The following ANKRD6 variants were observed in gnomAD, a reference collection of about 807,000 sequenced individuals.
ANKRD6 encodes the protein ankyrin repeat domain 6, also known as ankyrin repeat domain-containing protein 6.
In ANKRD6, 56 loss-of-function variants were observed where a neutral mutation model predicts 82.3. The ratio of observed to expected loss-of-function variants is 0.68; its 90% CI spans 0.55 to 0.85. The LOEUF (loss-of-function observed/expected upper bound fraction) is 0.85. Ranked by LOEUF, ANKRD6 falls within the 40% of genes least tolerant of loss-of-function variation. The pLI is 0.00. For synonymous variants in ANKRD6, 347 were observed against 352.1 expected (o/e 0.99, Z 0.16); for missense variants, 852 against 907.6 (o/e 0.94, Z 0.79).
At position 89,566,819 on chromosome 6, in the gene ANKRD6, T is replaced by C. The variant is rs1375896085; in HGVS notation, c.-143-15T>C. ...TCAAGTGGCCCTGATGGCACCTTTG[T>C]TTTGTAACCCCTAGGTCCCGAAGAT... is the stretch of plus-strand genomic sequence containing the variant. On this transcript the variant is annotated splice_polypyrimidine_tract_variant and intron_variant, in intron 1 of 15. Transcript: ENST00000339746. 2 of 1,035,822 alleles carry C rather than the reference T, an allele frequency of 1.9e-6. No homozygotes were observed. Among genetic ancestry groups the C allele is most frequent in the East Asian group, 5.5e-5 (2 of 36,328 alleles). 64.2% of individuals were successfully genotyped at this position (1,035,822 alleles called of 1,614,324 possible). A position where few individuals can be genotyped will look rare whatever the true frequency, so the allele number is the denominator to read the frequency against.
chr6:89,592,409 T>G (rs1308605913), intron 2 of ANKRD6, among the ~76,000 whole-genome samples: 1 of 152,088 alleles, frequency 6.6e-6, no homozygotes, highest in Non-Finnish European at 1.5e-5. Context: ...ATTTTACAGA[T>G]GAGAAAATGC....
rs1807314556 is a variant in ANKRD6, at chr6:89,631,093, A to G, written c.*89A>G. On this transcript the variant is annotated 3_prime_UTR_variant, in exon 16 of 16. Transcript: ENST00000339746. ...CTATGCCCAAGGAGTCAACTATTGT[A>G]TATATTGCAGATTTGCCTTTTTAAA... 1 of 1,423,458 alleles carries G rather than the reference A, an allele frequency of 7.0e-7. No homozygotes were observed. The highest frequency in any genetic ancestry group is 9.1e-7 in the Non-Finnish European group (1 of 1,093,690). The allele number at this position is 1,423,458 out of a possible 1,614,324, so 88.2% of individuals were successfully genotyped here.
At chr6:89,568,399 G>GT (rs1484500325) in intron 2 of ANKRD6, 1 of 152,176 alleles carries the variant, frequency 6.6e-6, no homozygotes, top group Admixed American at 6.5e-5. Flanking sequence ...TAGTCTGCAA[G>GT]TTTTTTCTAT....
intron 1 of ANKRD6, among the ~76,000 whole-genome samples, chr6:89,505,161 C>T (rs1779700838): frequency 1.3e-5 from 2 of 152,194 alleles, no homozygotes; most frequent in South Asian, 4.1e-4. Flanking sequence ...ATTTCCTTAC[C>T]CGGCATCTGT....
intron 1 of ANKRD6, among the ~76,000 whole-genome samples, chr6:89,552,059 G>A (rs532088512): frequency 1.8e-4 from 27 of 152,366 alleles, no homozygotes; most frequent in East Asian, 5.8e-4. Context: ...GTTAAGGAAT[G>A]TAGTGGACCA....
chr6:89,468,636 A>G (rs560304333), intron 1 of ANKRD6, among the ~76,000 whole-genome samples: 127 of 141,204 alleles, frequency 9.0e-4, no homozygotes, highest in African/African-American at 3.0e-3. Context: ...TCCGTGCATA[A>G]TTTTCATGGT....
chr6:89,455,468 C>T (rs1047014583), intron 1 of ANKRD6, among the ~76,000 whole-genome samples: 1 of 152,088 alleles, frequency 6.6e-6, no homozygotes, highest in African/African-American at 2.4e-5. Context: ...ATGAGGACAA[C>T]ACTAAGCCAT....
intron 1 of ANKRD6, among the ~76,000 whole-genome samples, chr6:89,442,494 A>G (rs1771523229): frequency 1.3e-5 from 2 of 151,838 alleles, no homozygotes; most frequent in Admixed American, 1.3e-4. Context: ...ATGGTGGTGC[A>G]TGTTTGTAGT....
chr6:89,629,376 G>T, intron 15 of ANKRD6, 138 bp downstream of exon 15: 2 of 1,274,490 alleles, frequency 1.6e-6, no homozygotes, highest in South Asian at 2.6e-5. Context: ...TAGGGGCAAG[G>T]ACTGTATTTT....
chr6:89,468,675 C>G lies in ANKRD6; in HGVS notation c.-144+35300C>G, dbSNP rs143629198. ...TGTCACCACAGATAAGCAAAAAACTCCCCTCATTCAAAGGGTTGGACACCT... is the reference window on the plus strand; with the variant it reads ...TGTCACCACAGATAAGCAAAAAACTGCCCTCATTCAAAGGGTTGGACACCT... On this transcript the variant is annotated intron_variant, in intron 1 of 15. Coordinates refer to ENST00000339746, the MANE Select transcript of ANKRD6 (RefSeq NM_001242809.2). Among the ~76,000 whole-genome samples, 602 of 151,854 alleles carry G rather than the reference C, an allele frequency of 4.0e-3. 5 individuals are homozygous for G. The highest frequency in any genetic ancestry group is 0.014 in the African/African-American group (571 of 41,408).
At chr6:89,565,163 T>C (rs1313853266) in intron 1 of ANKRD6, 1 of 152,232 alleles carries the variant, frequency 6.6e-6, no homozygotes, top group African/African-American at 2.4e-5. Flanking sequence ...CTTTCAGTGT[T>C]TTGAGTCTCA....
At chr6:89,584,312 G>A (rs1000902543) in intron 2 of ANKRD6, among the ~76,000 whole-genome samples, 2 of 152,328 alleles carry the variant, frequency 1.3e-5, no homozygotes, top group Non-Finnish European at 1.5e-5. Flanking sequence ...AGGAGCTCTC[G>A]AAGCCACTGA....
intron 1 of ANKRD6, among the ~76,000 whole-genome samples, chr6:89,451,123 C>G (rs1772757691): frequency 6.6e-6 from 1 of 152,136 alleles, no homozygotes; most frequent in African/African-American, 2.4e-5. Context: ...ACCTGGGCAA[C>G]ATGGTGAAAC....
chr6:89,462,269 T>TAAA (rs776462367), intron 1 of ANKRD6, among the ~76,000 whole-genome samples: 14 of 147,928 alleles, frequency 9.5e-5, no homozygotes, highest in African/African-American at 2.2e-4. Context: ...ATAATAATAA[T>TAAA]AAATACATAA....
intron 3 of ANKRD6, chr6:89,601,456 C>G (rs1797141193): frequency 2.0e-5 from 3 of 151,984 alleles, no homozygotes; most frequent in Non-Finnish European, 2.9e-5. Context: ...GCTCAGACTT[C>G]TAATAAGTAG....
intron 1 of ANKRD6, among the ~76,000 whole-genome samples, chr6:89,538,557 T>G (rs1170615671): frequency 6.6e-6 from 1 of 152,224 alleles, no homozygotes; most frequent in African/African-American, 2.4e-5. Context: ...TATCTTACTA[T>G]GAAAAAATTT....
At chr6:89,607,433 A>G (rs1798979611) in intron 5 of ANKRD6, among the ~76,000 whole-genome samples, 1 of 152,182 alleles carries the variant, frequency 6.6e-6, no homozygotes, top group African/African-American at 2.4e-5. Flanking sequence ...AATGCTTTCC[A>G]CTGTTAAAGA....
At chr6:89,601,116 G>A (rs923305968) in intron 3 of ANKRD6, among the ~76,000 whole-genome samples, 1 of 152,162 alleles carries the variant, frequency 6.6e-6, no homozygotes, top group Non-Finnish European at 1.5e-5. Flanking sequence ...CTTTCTAAGA[G>A]GTCTGAGGTA....
Position 89,630,656 on chromosome 6 carries a change from C to T in ANKRD6, c.1836C>T (p.Pro612=), listed in dbSNP as rs914769216. ...CCAGATCTGATCAGCAGGCTGGGCC[C>T]TGCGTCAACAGAGGCACTCAAACTA... is the stretch of plus-strand genomic sequence containing the variant. The part of the protein sequence containing the change: ...EAARSDQQAG[P]CVNRGTQTKK... Residue 612 remains proline, a synonymous_variant, in exon 16 of 16, where the codon CCC becomes CCT. Transcript: ENST00000339746. 5.0e-6 allele frequency: 8 copies of T among 1,613,832 alleles called. No homozygotes were observed. The African/African-American group carries it at 1.1e-4, about 22-fold the overall frequency.
Sources: gnomAD v4.1 joint callset for allele counts (sites outside exome capture counted in the v4.1 genomes callset) on GRCh38, gnomAD v4.1.1 for gene constraint, MANE v1.5 for transcripts, NCBI Gene and HGNC (gene_info 2026-07-23, HGNC 2026-07-21) for gene names.